HDAC9: variants seen among roughly 807,000 people sequenced by gnomAD.
HDAC9 encodes the protein histone deacetylase 9.
HDAC9 carries 41 observed loss-of-function variants against 139.4 expected under a neutral mutation model. The ratio of observed to expected loss-of-function variants is 0.29; its 90% CI spans 0.23 to 0.38. The LOEUF (loss-of-function observed/expected upper bound fraction) is 0.38, where lower values mean the gene tolerates loss of function less well. Ranked by LOEUF, HDAC9 falls within the 10% of genes least tolerant of loss-of-function variation. The pLI is 1.00. For missense variants in HDAC9, 1,147 were observed against 1,297.0 expected (o/e 0.88, Z 1.78); for synonymous variants, 517 against 476.2 (o/e 1.09, Z -1.12).
chr7:18,960,715 G>A (rs1228110344), intron 24 of HDAC9, among the ~76,000 whole-genome samples: 1 of 152,052 alleles, frequency 6.6e-6, no homozygotes. Context: ...TTTATGTAAT[G>A]TTACCGTAAA....
At chr7:18,884,865 C>T (rs552201710) in intron 22 of HDAC9, among the ~76,000 whole-genome samples, 133 of 152,230 alleles carry the variant, frequency 8.7e-4, no homozygotes, top group Middle Eastern at 3.4e-3. Context: ...ATGCACACAC[C>T]CACACAACAA....
chr7:18,616,420 C>G (rs893060885), intron 6 of HDAC9, among the ~76,000 whole-genome samples: 1 of 152,086 alleles, frequency 6.6e-6, no homozygotes, highest in Non-Finnish European at 1.5e-5. Flanking sequence ...AGAAAGTTGA[C>G]TAAATAGAAG....
chr7:18,498,153 C>T (rs1480939365), intron 2 of HDAC9, among the ~76,000 whole-genome samples: 1 of 152,126 alleles, frequency 6.6e-6, no homozygotes, highest in East Asian at 1.9e-4. Flanking sequence ...TACATAATCA[C>T]TAAGTTCTAT....
intron 1 of HDAC9, among the ~76,000 whole-genome samples, chr7:18,422,742 GCGCACACACACACA>G (rs1279315911): frequency 1.0e-4 from 14 of 136,218 alleles, no homozygotes; most frequent in African/African-American, 1.8e-4. Flanking sequence ...ACACACACAC[GCGCACACACACACA>G]CACACACACA....
At chr7:18,931,180 G>T (rs1353877238) in intron 22 of HDAC9, among the ~76,000 whole-genome samples, 3 of 152,102 alleles carry the variant, frequency 2.0e-5, no homozygotes, top group Non-Finnish European at 4.4e-5. Context: ...TTTCTAGAAT[G>T]GTACTAATTA....
At chr7:18,700,217 CAT>C (rs1332366802) in intron 12 of HDAC9, among the ~76,000 whole-genome samples, 1 of 152,146 alleles carries the variant, frequency 6.6e-6, no homozygotes, top group Non-Finnish European at 1.5e-5. Context: ...CTTCAACAAT[CAT>C]ATGTTTGTGT....
chr7:18,978,898 G>T (rs1361572796), intron 25 of HDAC9, among the ~76,000 whole-genome samples: 1 of 152,046 alleles, frequency 6.6e-6, no homozygotes, highest in Non-Finnish European at 1.5e-5. Flanking sequence ...AGGTTTTTAG[G>T]AGCACATTTG....
intron 2 of HDAC9, among the ~76,000 whole-genome samples, chr7:18,187,343 C>G (rs1789993147): frequency 1.3e-5 from 2 of 152,146 alleles, no homozygotes. Context: ...CACATCCTAG[C>G]AAGGAGAAAA....
At chr7:18,912,109 T>C (rs984839483) in intron 22 of HDAC9, among the ~76,000 whole-genome samples, 9 of 152,040 alleles carry the variant, frequency 5.9e-5, no homozygotes, top group Non-Finnish European at 1.3e-4. Context: ...TATTTTCATA[T>C]TGGGATATCT....
intron 2 of HDAC9, among the ~76,000 whole-genome samples, chr7:18,220,652 A>G (rs1469771887): frequency 6.6e-6 from 1 of 152,204 alleles, no homozygotes; most frequent in Non-Finnish European, 1.5e-5. Flanking sequence ...TGTGTTTGGG[A>G]TGCAGTATGG....
intron 8 of HDAC9, 136 bp downstream of exon 8, chr7:18,634,878 G>A (rs911163931): frequency 7.0e-6 from 4 of 569,932 alleles, no homozygotes; most frequent in Non-Finnish European, 1.2e-5. Context: ...TCCACATATT[G>A]TAAACCAATT....
intron 1 of HDAC9, chr7:18,395,046 GATA>G (rs1033628323): frequency 4.6e-5 from 7 of 152,072 alleles, no homozygotes; most frequent in African/African-American, 1.7e-4. Flanking sequence ...CAGTAAAAAT[GATA>G]ATATCGTAAT....
rs895184086 is a variant in HDAC9 at position 19,000,716 on chromosome 7, C to G, written c.*4654C>G. 2 of 152,176 alleles carry G rather than the reference C, an allele frequency of 1.3e-5. No homozygotes were observed. The highest frequency in any genetic ancestry group is 2.9e-5 in the Non-Finnish European group (2 of 68,014). 9.4% of individuals were successfully genotyped at this position (152,176 alleles called of 1,614,324 possible). A position where few individuals can be genotyped will look rare whatever the true frequency, so the allele number is the denominator to read the frequency against. ...TTCTCAAAGCATCTTAATTCTCAAA[C>G]TGAAACATTTAGCAAATACATGGTG... On this transcript the variant is annotated 3_prime_UTR_variant, in exon 26 of 26. Transcript: ENST00000686413.
chr7:18,606,402 A>G (rs554902033), intron 6 of HDAC9, among the ~76,000 whole-genome samples: 58 of 152,324 alleles, frequency 3.8e-4, no homozygotes, highest in African/African-American at 1.4e-3. Flanking sequence ...GAGCAATATT[A>G]TTCTTACAAA....
chr7:18,771,152 A>G (rs1411021622), intron 16 of HDAC9, among the ~76,000 whole-genome samples: 1 of 152,106 alleles, frequency 6.6e-6, no homozygotes, highest in Non-Finnish European at 1.5e-5. Flanking sequence ...TAAGTGGTTG[A>G]AGATATGCAA....
intron 6 of HDAC9, among the ~76,000 whole-genome samples, chr7:18,628,705 C>A (rs1001649094): frequency 1.3e-5 from 2 of 152,088 alleles, no homozygotes; most frequent in South Asian, 2.1e-4. Context: ...ACCTTCAATT[C>A]GAAGACTTAG....
rs1829169575 is a variant in HDAC9, at chr7:18,585,409, C to T, written c.151C>T (p.Leu51Phe). The change falls in exon 3 of 26, where the codon CTT (leucine) becomes TTT (phenylalanine). Residue 51 changes from leucine to phenylalanine, a missense_variant. By Grantham distance (22) the Leu-to-Phe change is conservative. Around this residue, in one of 7 missense-constraint regions of HDAC9, gnomAD observed 136 missense variants for 183.5 expected, o/e 0.74. Transcript: ENST00000686413. ...VREKQLQQEL[L>F]LIQQQQQIQK... The stretch of plus-strand genomic sequence containing the variant: ...TGAGAAGCAATTGCAGCAGGAATTA[C>T]TTCTTATCCAGCAGCAGCAACAAAT... 1.2e-6 allele frequency: 2 copies of T among 1,613,876 alleles called. No homozygotes were observed. The highest frequency in any genetic ancestry group is 2.2e-5 in the South Asian group (2 of 91,092).
chr7:18,192,261 A>G (rs73062439), intron 2 of HDAC9, among the ~76,000 whole-genome samples: 7,710 of 152,228 alleles, frequency 0.051, 239 homozygotes, highest in East Asian at 0.18. Context: ...ACTTCTTGGT[A>G]GTGTCTTTCA....
At chr7:18,128,646 A>G (rs1438815841) in intron 1 of HDAC9, among the ~76,000 whole-genome samples, 1 of 152,126 alleles carries the variant, frequency 6.6e-6, no homozygotes, top group African/African-American at 2.4e-5. Flanking sequence ...AGGTCTCTGC[A>G]GTCAGCCATG....
Sources: gnomAD v4.1 joint callset for allele counts (sites outside exome capture counted in the v4.1 genomes callset) on GRCh38, gnomAD v4.1.1 for gene constraint, gnomAD v4.1.1 regional missense constraint, MANE v1.5 for transcripts, NCBI Gene and HGNC (gene_info 2026-07-23, HGNC 2026-07-21) for gene names.